Variants in SLC7A7 observed in about 807,000 individuals in gnomAD.
SLC7A7 encodes Y+L amino acid transporter 1.
In SLC7A7, 39 loss-of-function variants were observed where a neutral mutation model predicts 47.9. The observed-to-expected ratio is 0.81, with a 90% CI of 0.63 to 1.06. The LOEUF (loss-of-function observed/expected upper bound fraction) is 1.06. Among genes scored for constraint, SLC7A7 ranks in the 50% least tolerant of loss-of-function variants. The pLI, the probability that SLC7A7 is intolerant of heterozygous loss-of-function variation, is 0.00. For missense variants in SLC7A7, 588 were observed against 632.0 expected (o/e 0.93, Z 0.75); for synonymous variants, 234 against 242.8 (o/e 0.96, Z 0.34).
upstream of SLC7A7, chr14:22,815,583 A>C (rs1357609050): frequency 2.2e-6 from 1 of 454,112 alleles, no homozygotes; most frequent in South Asian, 1.6e-5. Flanking sequence ...CAAAAGGGGC[A>C]GCTAGGAGCT....
chr14:22,780,211 A>C, intron 2 of SLC7A7, 160 bp from the exon 3 acceptor site: 2 of 814,436 alleles, frequency 2.5e-6, no homozygotes, highest in South Asian at 3.2e-5. Context: ...GGGCCCCAGA[A>C]TGTCCTCACC....
upstream of SLC7A7, among the ~76,000 whole-genome samples, chr14:22,818,259 G>T (rs562341440): frequency 7.2e-5 from 11 of 152,178 alleles, no homozygotes; most frequent in South Asian, 2.3e-3. Context: ...AATCTGCTGG[G>T]GGTAAAACCC....
chr14:22,797,573 AC>A (rs1288969744), intron 2 of SLC7A7, among the ~76,000 whole-genome samples: 2 of 151,896 alleles, frequency 1.3e-5, no homozygotes, highest in African/African-American at 4.8e-5. Context: ...CAACCTATCT[AC>A]CCACACGTCA....
intron 2 of SLC7A7, among the ~76,000 whole-genome samples, chr14:22,795,385 G>GCTTT (rs1160830498): frequency 7.1e-3 from 103 of 14,450 alleles, no homozygotes; most frequent in African/African-American, 0.021. Context: ...TTGCTTGCTT[G>GCTTT]CTTTCTTTCT....
intron 5 of SLC7A7, 71 bp from the exon 6 acceptor site, chr14:22,776,007 C>T (rs974929440): frequency 2.9e-5 from 41 of 1,433,350 alleles, no homozygotes; most frequent in African/African-American, 4.2e-5. Context: ...GGCATGCCCC[C>T]AGATTCCCCT....
In SLC7A7 at chr14:22,775,886, T is replaced by G. The variant is rs1407267767; in HGVS notation, c.945A>C (p.Ser315=). 6.2e-7 allele frequency: 1 copy of G among 1,614,030 alleles called. No homozygotes were observed. Among genetic ancestry groups the G allele is most frequent in the Non-Finnish European group, 8.5e-7 (1 of 1,180,030 alleles). The change falls in exon 6 of 10, where the codon TCA becomes TCC. Residue 315 remains serine, a synonymous_variant. Transcript: ENST00000674313. ...FGIFNWIIPL[S]VALSCFGGLN... ...GGCCACCAAAACAGGATAATGCAAC[T>G]GACAGTGGAATTATCCAGTTAAATA...
intron 2 of SLC7A7, among the ~76,000 whole-genome samples, chr14:22,805,958 T>C (rs1436665436): frequency 1.3e-5 from 2 of 151,240 alleles, no homozygotes; most frequent in Non-Finnish European, 3.0e-5. Context: ...CTGGCCAACA[T>C]GGTGAAACCT....
chr14:22,817,053 C>T (rs2138673304), upstream of SLC7A7, among the ~76,000 whole-genome samples: 1 of 152,020 alleles, frequency 6.6e-6, no homozygotes, highest in Non-Finnish European at 1.5e-5. Flanking sequence ...AGCTCATATA[C>T]TCTTAATCAC....
chr14:22,808,543 A>G (rs542853777), intron 2 of SLC7A7, among the ~76,000 whole-genome samples: 1 of 152,264 alleles, frequency 6.6e-6, no homozygotes, highest in African/African-American at 2.4e-5. Flanking sequence ...ACAATGGCTC[A>G]CGCCCGTAAT....
At chr14:22,777,074 G>A (rs1417220110) in intron 4 of SLC7A7, among the ~76,000 whole-genome samples, 2 of 149,950 alleles carry the variant, frequency 1.3e-5, no homozygotes, top group Non-Finnish European at 3.0e-5. Flanking sequence ...GCCTGGGGAG[G>A]TCAAGGCTGC....
At chr14:22,812,332 A>G (rs1209395909) in intron 2 of SLC7A7, among the ~76,000 whole-genome samples, 4 of 151,972 alleles carry the variant, frequency 2.6e-5, no homozygotes, top group African/African-American at 9.6e-5. Flanking sequence ...ACACCCAGCT[A>G]ATTTTTGTAT....
chr14:22,790,017 G>A (rs2038896497), intron 2 of SLC7A7, among the ~76,000 whole-genome samples: 1 of 152,136 alleles, frequency 6.6e-6, no homozygotes, highest in Non-Finnish European at 1.5e-5. Flanking sequence ...GTGGTAACTT[G>A]TTAGAGAAGC....
At chr14:22,791,972 C>G (rs1197338942) in intron 2 of SLC7A7, among the ~76,000 whole-genome samples, 2 of 151,906 alleles carry the variant, frequency 1.3e-5, no homozygotes, top group Non-Finnish European at 2.9e-5. Context: ...GTAGCTGGGA[C>G]TACGGGCGTC....
chr14:22,779,564 C>A (rs1051717614), intron 3 of SLC7A7, among the ~76,000 whole-genome samples: 5 of 152,000 alleles, frequency 3.3e-5, no homozygotes, highest in Non-Finnish European at 7.4e-5. Context: ...AAGCGATTCT[C>A]CTGCCTCAGC....
chr14:22,788,467 G>A (rs991023555), intron 2 of SLC7A7, among the ~76,000 whole-genome samples: 2 of 152,112 alleles, frequency 1.3e-5, no homozygotes, highest in African/African-American at 4.8e-5. Context: ...CACGTTGGGA[G>A]GCCAAGGCGG....
chr14:22,780,194 A>G lies in SLC7A7; in HGVS notation c.500-143T>C, dbSNP rs951307163. On this transcript the variant is annotated intron_variant, in intron 2 of 9. Coordinates refer to ENST00000674313, the MANE Select transcript of SLC7A7 (RefSeq NM_003982.4). ...ACCCTCTGACCTGCTCTGCACTGGA[A>G]CCCTCGGGGCCCCAGAATGTCCTCA... 2.9e-5 allele frequency: 34 copies of G among 1,155,382 alleles called. No homozygotes were observed. The Middle Eastern group carries it at 1.2e-3, about 39-fold the overall frequency. The allele number at this position is 1,155,382 out of a possible 1,614,324, so 71.6% of individuals were successfully genotyped here.
intron 2 of SLC7A7, among the ~76,000 whole-genome samples, chr14:22,791,319 T>C (rs4505232): frequency 0.96 from 146,822 of 152,250 alleles, 71,010 homozygotes; most frequent in East Asian, 1. Context: ...AATTTACGGT[T>C]AGGAACTCTG....
intron 2 of SLC7A7, among the ~76,000 whole-genome samples, chr14:22,790,319 G>A (rs934881303): frequency 1.1e-5 from 1 of 88,546 alleles, no homozygotes. Flanking sequence ...GACAGAGCAA[G>A]ACTGTCTCAA....
chr14:22,781,032 C>T (rs537884631), intron 2 of SLC7A7, among the ~76,000 whole-genome samples: 3 of 152,112 alleles, frequency 2.0e-5, no homozygotes, highest in South Asian at 2.1e-4. Context: ...AAAAAAAATA[C>T]AGATCTTCCC....
Sources: allele counts gnomAD v4.1 joint callset (sites outside exome capture counted in the v4.1 genomes callset), GRCh38; gene constraint gnomAD v4.1.1; transcripts MANE v1.5; gene names NCBI Gene and HGNC (gene_info 2026-07-23, HGNC 2026-07-21).